PAPPA: variants seen among roughly 807,000 people sequenced by gnomAD.
PAPPA encodes pappalysin-1.
PAPPA carries 60 observed loss-of-function variants against 164.0 expected under a neutral mutation model. The observed-to-expected ratio is 0.37, with a 90% CI of 0.30 to 0.45. The LOEUF is 0.45. Ranked by LOEUF, PAPPA falls within the 20% of genes least tolerant of loss-of-function variation. PAPPA has a pLI of 1.00. For synonymous variants in PAPPA, 875 were observed against 814.1 expected (o/e 1.07, Z -1.27); for missense variants, 1,782 against 2,087.3 (o/e 0.85, Z 2.85).
intron 10 of PAPPA, among the ~76,000 whole-genome samples, chr9:116,306,627 T>A (rs2118898946): frequency 6.6e-6 from 1 of 152,280 alleles, no homozygotes; most frequent in African/African-American, 2.4e-5. Flanking sequence ...AAAATGGAAA[T>A]TAACCGAAAA....
In PAPPA at chr9:116,196,448, A is replaced by G. The variant is rs183156653; in HGVS notation, c.1478+8232A>G. 6.3e-3 allele frequency among the ~76,000 whole-genome samples: 953 copies of G among 152,342 alleles called. 11 individuals are homozygous for G. The highest frequency in any genetic ancestry group is 0.022 in the African/African-American group (900 of 41,578). On this transcript the variant is annotated intron_variant, in intron 2 of 21. Transcript: ENST00000328252. Reference sequence around the variant, plus strand: ...TCTGCACTTGGTCAGATGCCCTTCCAGGTTAGGAAACAAAGCCGTTGGGCG... The same window carrying G: ...TCTGCACTTGGTCAGATGCCCTTCCGGGTTAGGAAACAAAGCCGTTGGGCG...
intron 9 of PAPPA, among the ~76,000 whole-genome samples, chr9:116,290,269 C>T (rs1403280074): frequency 6.6e-6 from 1 of 152,042 alleles, no homozygotes; most frequent in African/African-American, 2.4e-5. Context: ...CCCCTTATTC[C>T]ATCTGCTTTT....
chr9:116,221,535 T>G (rs901062186), intron 5 of PAPPA, among the ~76,000 whole-genome samples: 13 of 152,162 alleles, frequency 8.5e-5, no homozygotes, highest in African/African-American at 2.9e-4. Flanking sequence ...ATCATCTTCC[T>G]CATCTGCTAG....
At chr9:116,275,848 C>T (rs1347356296) in intron 9 of PAPPA, among the ~76,000 whole-genome samples, 1 of 152,068 alleles carries the variant, frequency 6.6e-6, no homozygotes, top group Non-Finnish European at 1.5e-5. Context: ...TTCAGAAGCC[C>T]ACACATCCGG....
At chr9:116,324,651 C>T (rs1340975803) in intron 10 of PAPPA, among the ~76,000 whole-genome samples, 1 of 152,066 alleles carries the variant, frequency 6.6e-6, no homozygotes, top group Non-Finnish European at 1.5e-5. Context: ...ATTAATTCTG[C>T]CTGGGGAGTG....
intron 7 of PAPPA, among the ~76,000 whole-genome samples, chr9:116,244,424 C>T (rs142460738): frequency 3.7e-4 from 56 of 152,270 alleles, no homozygotes; most frequent in African/African-American, 1.3e-3. Flanking sequence ...TTTATTCACT[C>T]GTGCATTTAA....
At position 116,154,048 on chromosome 9, in the gene PAPPA, G is replaced by A. The variant is rs1363749453; in HGVS notation, c.-125G>A. On this transcript the variant is annotated 5_prime_UTR_variant, in exon 1 of 22. In the 5' UTR this introduces an upstream ATG that the reference lacks. Transcript: ENST00000328252. The surrounding 1 kb of genome is among the most constrained non-coding windows in gnomAD (Gnocchi z 5.2). ...AGCGAGAAAGAAAAGAAAAAAGCAAGTGGAAAGGGGGGCTCGCCCAAGAAG... is the reference window on the plus strand; with the variant it reads ...AGCGAGAAAGAAAAGAAAAAAGCAAATGGAAAGGGGGGCTCGCCCAAGAAG... The A allele has an allele frequency of 8.8e-7, 1 of 1,136,290 alleles. No individual in the cohort carries two copies. Among genetic ancestry groups the A allele is most frequent in the African/African-American group, 1.7e-5 (1 of 59,126 alleles). 70.4% of individuals were successfully genotyped at this position (1,136,290 alleles called of 1,614,324 possible).
At chr9:116,261,688 C>G (rs1413862340) in intron 7 of PAPPA, among the ~76,000 whole-genome samples, 1 of 152,008 alleles carries the variant, frequency 6.6e-6, no homozygotes. Context: ...ATTTCACAAC[C>G]TGTAATTAAA....
At position 116,154,138 on chromosome 9, in the gene PAPPA, CA is replaced by C; in HGVS notation, c.-34del. 8.9e-7 allele frequency: 1 copy of C among 1,118,764 alleles called. No homozygotes were observed. Among genetic ancestry groups the C allele is most frequent in the Admixed American group, 3.4e-5 (1 of 29,104 alleles). The allele number at this position is 1,118,764 out of a possible 1,614,324, so 69.3% of individuals were successfully genotyped here. A position where few individuals can be genotyped will look rare whatever the true frequency, so the allele number is the denominator to read the frequency against. ...AAGCTGGCAGCTCCGGGTGGCGGTG[CA>C]GGGGCGAAGGGGGGGCGGGGGGAAC... On this transcript the variant is annotated 5_prime_UTR_variant, in exon 1 of 22. Coordinates refer to ENST00000328252, the MANE Select transcript of PAPPA (RefSeq NM_002581.5). This position sits in a 1 kb window ranked among gnomAD's most constrained non-coding sequence, Gnocchi z 5.2.
intron 21 of PAPPA, among the ~76,000 whole-genome samples, chr9:116,383,052 A>C (rs1846753700): frequency 6.6e-6 from 1 of 152,230 alleles, no homozygotes; most frequent in African/African-American, 2.4e-5. Flanking sequence ...GAATTAGAGA[A>C]AGATGGTCAT....
intron 1 of PAPPA, among the ~76,000 whole-genome samples, chr9:116,181,152 G>C (rs971654591): frequency 4.6e-5 from 7 of 152,214 alleles, no homozygotes; most frequent in African/African-American, 1.7e-4. Flanking sequence ...ATAGATTTTA[G>C]AAAAATTTCA....
At chr9:116,177,261 C>G in intron 1 of PAPPA, among the ~76,000 whole-genome samples, 1 of 152,116 alleles carries the variant, frequency 6.6e-6, no homozygotes, top group African/African-American at 2.4e-5. Context: ...ATCACAGAGC[C>G]AGAACTTAAA....
chr9:116,380,849 A>C (rs568199151), intron 20 of PAPPA, among the ~76,000 whole-genome samples: 17 of 152,242 alleles, frequency 1.1e-4, no homozygotes, highest in Non-Finnish European at 1.8e-4. Context: ...TTTGGAACAG[A>C]GAGGCAAAAG....
chr9:116,348,868 G>A (rs112289355), intron 15 of PAPPA, among the ~76,000 whole-genome samples: 5,271 of 152,196 alleles, frequency 0.035, 134 homozygotes, highest in Middle Eastern at 0.075. Flanking sequence ...ATTTCATGGT[G>A]TATATGTACC....
chr9:116,328,810 T>G (rs565820849), intron 10 of PAPPA, among the ~76,000 whole-genome samples: 232 of 152,306 alleles, frequency 1.5e-3, no homozygotes, highest in Middle Eastern at 6.8e-3. Context: ...GAAAACCTAT[T>G]GTCTAACCCA....
intron 15 of PAPPA, among the ~76,000 whole-genome samples, chr9:116,349,909 G>A (rs1846259639): frequency 6.6e-6 from 1 of 152,182 alleles, no homozygotes; most frequent in African/African-American, 2.4e-5. Context: ...AGGAAATACG[G>A]TGGGGGAATG....
intron 1 of PAPPA, among the ~76,000 whole-genome samples, chr9:116,179,466 AC>A (rs1311129527): frequency 6.6e-6 from 1 of 152,222 alleles, no homozygotes; most frequent in Admixed American, 6.5e-5. Flanking sequence ...CCTCTCTTGA[AC>A]AAGACACAGA....
intron 2 of PAPPA, among the ~76,000 whole-genome samples, chr9:116,201,921 G>A (rs545281242): frequency 4.6e-5 from 7 of 152,136 alleles, no homozygotes; most frequent in East Asian, 1.9e-4. Context: ...GGGCATCTAC[G>A]CATGGCCAGT....
At chr9:116,175,935 C>G (rs571698446) in intron 1 of PAPPA, among the ~76,000 whole-genome samples, 17 of 152,286 alleles carry the variant, frequency 1.1e-4, no homozygotes, top group African/African-American at 4.1e-4. Flanking sequence ...AGGCTGTGCC[C>G]TCAACAACTA....
Sources: allele counts gnomAD v4.1 joint callset (sites outside exome capture counted in the v4.1 genomes callset), GRCh38; gene constraint gnomAD v4.1.1; non-coding constraint Gnocchi (gnomAD v3.1); transcripts MANE v1.5; gene names NCBI Gene and HGNC (gene_info 2026-07-23, HGNC 2026-07-21).